CUBN: variants seen among roughly 807,000 people sequenced by gnomAD.
The protein encoded by CUBN is 460 kDa receptor.
In CUBN, 282 loss-of-function variants were observed where a neutral mutation model predicts 405.3. That is an observed-to-expected ratio of 0.70 (90% CI 0.63 to 0.77). CUBN has a LOEUF of 0.77. Ranked by LOEUF, CUBN falls within the 30% of genes least tolerant of loss-of-function variation. The probability of loss-of-function intolerance (pLI) is 0.00; values close to 1 mark genes in which losing one functional copy is unlikely to be tolerated. For synonymous variants in CUBN, 1,684 were observed against 1,617.0 expected, an observed-to-expected ratio of 1.04 and a Z score of -0.99; for missense variants, 4,514 against 4,475.2, an observed-to-expected ratio of 1.01 and a Z score of -0.25.
chr10:16,982,452 T>G (rs1833300599), intron 31 of CUBN, 32 bp downstream of exon 31: 1 of 1,590,494 alleles, frequency 6.3e-7, no homozygotes, highest in Non-Finnish European at 8.6e-7. Flanking sequence ...GAGGTTTGAC[T>G]GGAGACAATG....
chr10:17,043,284 G>A (rs182899227), intron 26 of CUBN, among the ~76,000 whole-genome samples: 2 of 152,252 alleles, frequency 1.3e-5, no homozygotes, highest in Admixed American at 6.5e-5. Flanking sequence ...AATGGCATCT[G>A]TACAATGGCC....
chr10:17,073,423 A>G (rs1835782404), intron 17 of CUBN, among the ~76,000 whole-genome samples: 1 of 149,040 alleles, frequency 6.7e-6, no homozygotes, highest in African/African-American at 2.5e-5. Flanking sequence ...TAGACTACTG[A>G]TTTTAAATCA....
rs545575874 is a variant in CUBN, at chr10:17,056,846, T to C, written c.3139+8662A>G. 2.3e-4 allele frequency among the ~76,000 whole-genome samples: 35 copies of C among 149,844 alleles called. 1 individual carries two copies. Among genetic ancestry groups the C allele is most frequent in the African/African-American group, 8.8e-4 (35 of 39,738 alleles). On this transcript the variant is annotated intron_variant, in intron 22 of 66. Transcript: ENST00000377833. ...GTATTTGTATGCAGAATATACAACA[T>C]ATGACTCATTAATAAGAAACAAACA...
rs762336429 is a variant in CUBN at position 17,068,075 on chromosome 10, T to C, written c.2997A>G (p.Thr999=). The C allele has an allele frequency of 4.8e-5, 78 of 1,610,458 alleles. No homozygotes were observed. The South Asian group carries it at 5.8e-4, about 12-fold the overall frequency. Residue 999 remains threonine, a synonymous_variant, in exon 21 of 67, where the codon ACA becomes ACG. Coordinates refer to ENST00000377833, the MANE Select transcript of CUBN (RefSeq NM_001081.4). ...YLEVYDTDSE[T]SLGRYCGKSI... is the part of the protein sequence containing the mutation. The stretch of plus-strand genomic sequence containing the variant: ...AAACATAACCTTACCTTCCAAGGGA[T>C]GTCTCAGAGTCGGTGTCATAAACTT...
chr10:17,126,549 G>A (rs946461422), intron 4 of CUBN, among the ~76,000 whole-genome samples: 5 of 152,176 alleles, frequency 3.3e-5, no homozygotes, highest in East Asian at 1.9e-4. Flanking sequence ...TAACAGGCTC[G>A]GAGACCTCAG....
At chr10:16,960,521 A>C (rs1300307867) in intron 31 of CUBN, among the ~76,000 whole-genome samples, 2 of 152,094 alleles carry the variant, frequency 1.3e-5, no homozygotes, top group East Asian at 3.8e-4. Context: ...ACCCCCACAA[A>C]AACAAAAAGC....
chr10:16,846,232 G>C (rs1564382501), intron 60 of CUBN, among the ~76,000 whole-genome samples: 1 of 152,264 alleles, frequency 6.6e-6, no homozygotes, highest in African/African-American at 2.4e-5. Flanking sequence ...CTTGCAGATG[G>C]TGATGCTGCT....
At chr10:16,942,139 C>T (rs2131610512) in intron 36 of CUBN, among the ~76,000 whole-genome samples, 1 of 152,222 alleles carries the variant, frequency 6.6e-6, no homozygotes, top group South Asian at 2.1e-4. Flanking sequence ...ATCATAAGGG[C>T]TAAAATTAAA....
chr10:16,828,173 T>TA (rs1564372509), intron 66 of CUBN, among the ~76,000 whole-genome samples: 10 of 151,808 alleles, frequency 6.6e-5, no homozygotes, highest in East Asian at 5.8e-4. Context: ...GAGCTTTTTT[T>TA]TAAAAAAACA....
intron 13 of CUBN, 96 bp downstream of exon 13, chr10:17,103,029 T>A: frequency 1.2e-6 from 1 of 802,004 alleles, no homozygotes; most frequent in African/African-American, 1.7e-5. Context: ...ATAGTTGAAT[T>A]ATCATTGCAT....
chr10:16,944,419 T>C (rs912410017), intron 36 of CUBN, among the ~76,000 whole-genome samples: 2 of 152,222 alleles, frequency 1.3e-5, no homozygotes, highest in Non-Finnish European at 2.9e-5. Flanking sequence ...GATTCAACCA[T>C]AATTTCTCCA....
At chr10:17,048,103 T>A (rs1297317508) in intron 22 of CUBN, among the ~76,000 whole-genome samples, 1 of 152,218 alleles carries the variant, frequency 6.6e-6, no homozygotes, top group Non-Finnish European at 1.5e-5. Context: ...ACTGTCAAGC[T>A]CTGCAGCCTT....
In CUBN at chr10:16,954,283, G is replaced by A. The variant is rs1437766642; in HGVS notation, c.4855+106C>T. 6 of 1,267,816 alleles carry A rather than the reference G, an allele frequency of 4.7e-6. No homozygotes were observed. In the Admixed American group the frequency reaches 1.0e-4, roughly 21 times the overall value. The allele number at this position is 1,267,816 out of a possible 1,614,324, so 78.5% of individuals were successfully genotyped here. ...TTCTATTTAATTTTTTACATGTTAA[G>A]TAGAAGGCTGTGATCAATTTCTGAG... On this transcript the variant is annotated intron_variant, in intron 32 of 66. Coordinates refer to ENST00000377833, the MANE Select transcript of CUBN (RefSeq NM_001081.4).
Position 16,952,023 on chromosome 10 carries a change from T to G in CUBN, c.4969+253A>C, listed in dbSNP as rs11254295. On this transcript the variant is annotated intron_variant, in intron 33 of 66. Transcript: ENST00000377833. Reference sequence around the variant, plus strand: ...TGTTGTGTTGTTGTGCGTGTGTGTGTTTTTTAACCTTTGCTAGGCCTTGAC... The same window carrying G: ...TGTTGTGTTGTTGTGCGTGTGTGTGGTTTTTAACCTTTGCTAGGCCTTGAC... 0.057 allele frequency among the ~76,000 whole-genome samples: 8,652 copies of G among 152,280 alleles called. 351 individuals carry two copies. The highest frequency in any genetic ancestry group is 0.088 in the Non-Finnish European group (5,959 of 68,008).
chr10:16,849,887 A>T (rs1472040375), intron 60 of CUBN, among the ~76,000 whole-genome samples: 1 of 151,196 alleles, frequency 6.6e-6, no homozygotes, highest in African/African-American at 2.4e-5. Flanking sequence ...ACCACTCCTT[A>T]TTTTCACCCG....
chr10:17,035,441 G>A (rs17139666), intron 27 of CUBN, among the ~76,000 whole-genome samples: 17,445 of 152,170 alleles, frequency 0.11, 1,293 homozygotes, highest in South Asian at 0.32. Context: ...TGAAGAGGAG[G>A]TAGAAACATG....
intron 21 of CUBN, 138 bp from the exon 22 acceptor site, chr10:17,065,776 T>G: frequency 9.6e-7 from 1 of 1,044,532 alleles, no homozygotes; most frequent in Non-Finnish European, 1.4e-6. Flanking sequence ...ACAAATATAT[T>G]TCAGGCAAAA....
Position 17,085,657 on chromosome 10 carries a change from A to G in CUBN, c.2050T>C (p.Phe684Leu). ...QTTGPFARIH[F>L]HSDSQISDQG... Reference sequence around the variant, plus strand: ...TCACTAATCTGGGAGTCTGAATGGAAGTGAATTCTGGCAAAGGGGCCAGTA... The same window carrying G: ...TCACTAATCTGGGAGTCTGAATGGAGGTGAATTCTGGCAAAGGGGCCAGTA... Residue 684 changes from phenylalanine to leucine, a missense_variant, in exon 16 of 67, where the codon TTC becomes CTC. Around this residue, in one of 5 missense-constraint regions of CUBN, gnomAD observed 1,448 missense variants for 1,388.0 expected, o/e 1.04. Coordinates refer to ENST00000377833, the MANE Select transcript of CUBN (RefSeq NM_001081.4). 1 of 1,614,122 alleles carries G rather than the reference A, an allele frequency of 6.2e-7. No individual in the cohort carries two copies. The highest frequency in any genetic ancestry group is 8.5e-7 in the Non-Finnish European group (1 of 1,179,984).
chr10:16,872,474 T>C (rs1840387158), intron 58 of CUBN, among the ~76,000 whole-genome samples: 1 of 151,950 alleles, frequency 6.6e-6, no homozygotes, highest in Admixed American at 6.6e-5. Context: ...CCTAAGCTAA[T>C]GGTATAGGAA....
Sources: gnomAD v4.1 joint callset for allele counts (sites outside exome capture counted in the v4.1 genomes callset) on GRCh38, gnomAD v4.1.1 for gene constraint, gnomAD v4.1.1 regional missense constraint, MANE v1.5 for transcripts, NCBI Gene and HGNC (gene_info 2026-07-23, HGNC 2026-07-21) for gene names.